Variants in TBC1D19 observed in about 807,000 individuals in gnomAD.
The protein encoded by TBC1D19 is TBC1 domain family, member 19.
In TBC1D19, 60 loss-of-function variants were observed where a neutral mutation model predicts 89.0. That is an observed-to-expected ratio of 0.67 (90% CI 0.55 to 0.84). The LOEUF is 0.84. TBC1D19 is among the 40% of genes least tolerant of loss of function. TBC1D19 has a pLI of 0.00. For missense variants in TBC1D19, 500 were observed against 610.8 expected, an observed-to-expected ratio of 0.82 and a Z score of 1.91; for synonymous variants, 189 against 199.7, an observed-to-expected ratio of 0.95 and a Z score of 0.45.
chr4:26,787,941 A>T, the TBC1D19 span, among the ~76,000 whole-genome samples: 39 of 152,184 alleles, frequency 2.6e-4, no homozygotes, highest in African/African-American at 8.7e-4. Context: ...CAGCTGAAAG[A>T]CTGCTGCCTA....
At chr4:26,577,874 AAC>A (rs2109918004) in intron 1 of TBC1D19, among the ~76,000 whole-genome samples, 1 of 152,372 alleles carries the variant, frequency 6.6e-6, no homozygotes, top group South Asian at 2.1e-4. Flanking sequence ...TATTATAATA[AAC>A]ACATGCATAT....
chr4:26,731,891 TA>T (rs1441233304), intron 15 of TBC1D19, among the ~76,000 whole-genome samples: 1 of 152,138 alleles, frequency 6.6e-6, no homozygotes, highest in East Asian at 1.9e-4. Context: ...ATTTTGAGGA[TA>T]CATAATAAGG....
intron 1 of TBC1D19, among the ~76,000 whole-genome samples, chr4:26,600,611 G>A (rs1296936985): frequency 1.3e-5 from 2 of 152,186 alleles, no homozygotes; most frequent in African/African-American, 2.4e-5. Context: ...AGTATACCAC[G>A]AAAGGAGGCT....
chr4:26,659,356 A>T (rs1745072928), intron 7 of TBC1D19, among the ~76,000 whole-genome samples: 1 of 152,142 alleles, frequency 6.6e-6, no homozygotes, highest in South Asian at 2.1e-4. Context: ...TTAACTTGGT[A>T]GAGTTTTGTA....
At chr4:26,657,751 T>C (rs1247148246) in intron 7 of TBC1D19, among the ~76,000 whole-genome samples, 1 of 152,226 alleles carries the variant, frequency 6.6e-6, no homozygotes, top group Non-Finnish European at 1.5e-5. Flanking sequence ...GCATCTGTTG[T>C]TTCCTGACTT....
At chr4:26,734,104 C>A (rs1717824746) in intron 15 of TBC1D19, among the ~76,000 whole-genome samples, 2 of 152,120 alleles carry the variant, frequency 1.3e-5, no homozygotes, top group African/African-American at 4.8e-5. Flanking sequence ...TTCTGTGTGA[C>A]CTTTGTAGTC....
chr4:26,810,143 G>A, the TBC1D19 span, among the ~76,000 whole-genome samples: 1 of 152,184 alleles, frequency 6.6e-6, no homozygotes, highest in Admixed American at 6.5e-5. Flanking sequence ...TGTCTCTGAA[G>A]CATGTCTTAC....
At chr4:26,737,263 T>A (rs949492097) in intron 16 of TBC1D19, among the ~76,000 whole-genome samples, 11 of 152,180 alleles carry the variant, frequency 7.2e-5, no homozygotes, top group African/African-American at 2.4e-4. Flanking sequence ...CATAACATAA[T>A]ACATAATGTT....
At chr4:26,661,065 G>A (rs1253970628) in intron 8 of TBC1D19, among the ~76,000 whole-genome samples, 1 of 152,158 alleles carries the variant, frequency 6.6e-6, no homozygotes, top group East Asian at 1.9e-4. Flanking sequence ...GGCTGAAAAT[G>A]TAGATTGTGT....
the TBC1D19 span, among the ~76,000 whole-genome samples, chr4:26,804,525 C>G: frequency 6.6e-6 from 1 of 152,234 alleles, no homozygotes; most frequent in East Asian, 1.9e-4. Context: ...TGGCCCCTCG[C>G]TAGCCTTTCA....
downstream of TBC1D19, among the ~76,000 whole-genome samples, chr4:26,757,109 G>A (rs549312202): frequency 6.6e-6 from 1 of 152,122 alleles, no homozygotes; most frequent in Non-Finnish European, 1.5e-5. Context: ...CACCTCCTGG[G>A]TTCAAGTGAT....
intron 19 of TBC1D19, among the ~76,000 whole-genome samples, chr4:26,750,051 G>A (rs968236916): frequency 1.3e-5 from 2 of 152,138 alleles, no homozygotes; most frequent in Non-Finnish European, 2.9e-5. Flanking sequence ...CCTCTGCTGG[G>A]ACACTTCAGT....
chr4:26,732,471 C>T (rs775025727), intron 15 of TBC1D19, among the ~76,000 whole-genome samples: 2 of 152,186 alleles, frequency 1.3e-5, no homozygotes, highest in African/African-American at 2.4e-5. Context: ...CAAATGGCAG[C>T]TACAGTTCTT....
At chr4:26,787,486 G>T in the TBC1D19 span, among the ~76,000 whole-genome samples, 1 of 152,060 alleles carries the variant, frequency 6.6e-6, no homozygotes, top group Non-Finnish European at 1.5e-5. Flanking sequence ...AGAAAGGACC[G>T]GATGGAGATG....
chr4:26,738,399 G>A (rs2083359324), intron 16 of TBC1D19, among the ~76,000 whole-genome samples: 2 of 151,630 alleles, frequency 1.3e-5, no homozygotes, highest in African/African-American at 2.4e-5. Context: ...AAATAAAGAA[G>A]TTCCAAACCT....
At chr4:26,757,795 T>TGTCTA (rs571716681), downstream of TBC1D19, among the ~76,000 whole-genome samples, 3 of 152,322 alleles carry the variant, frequency 2.0e-5, no homozygotes, top group East Asian at 1.9e-4. Context: ...CATTAAGAAG[T>TGTCTA]GTCTAGTCTA....
chr4:26,853,295 C>G, the TBC1D19 span, among the ~76,000 whole-genome samples: 1 of 152,210 alleles, frequency 6.6e-6, no homozygotes, highest in Non-Finnish European at 1.5e-5. Context: ...GACATCTGTA[C>G]AATTCTCTCA....
intron 1 of TBC1D19, among the ~76,000 whole-genome samples, chr4:26,603,907 T>C (rs1740790215): frequency 6.6e-6 from 1 of 152,062 alleles, no homozygotes; most frequent in Non-Finnish European, 1.5e-5. Flanking sequence ...CCATCCATCT[T>C]CAAAACTTTT....
intron 15 of TBC1D19, among the ~76,000 whole-genome samples, chr4:26,727,282 A>G (rs1717379352): frequency 6.6e-6 from 1 of 152,202 alleles, no homozygotes; most frequent in African/African-American, 2.4e-5. Flanking sequence ...TATGCACCCT[A>G]CAGTGTTAAT....
Sources: allele counts gnomAD v4.1 joint callset (sites outside exome capture counted in the v4.1 genomes callset), GRCh38; gene constraint gnomAD v4.1.1; transcripts MANE v1.5; gene names NCBI Gene and HGNC (gene_info 2026-07-23, HGNC 2026-07-21).